The following C8orf34 variants were observed in gnomAD, a reference collection of about 807,000 sequenced individuals.
C8orf34 encodes the protein uncharacterized protein C8orf34.
Under a neutral mutation model 68.3 loss-of-function variants are expected in C8orf34, and 65 were observed. That is an observed-to-expected ratio of 0.95 (90% confidence interval 0.78 to 1.17). The LOEUF (loss-of-function observed/expected upper bound fraction) is 1.17. Among genes scored for constraint, C8orf34 ranks in the 50% most tolerant of loss-of-function variants. The pLI, the probability that C8orf34 is intolerant of heterozygous loss-of-function variation, is 0.00. For missense variants in C8orf34, 664 were observed against 655.4 expected, an observed-to-expected ratio of 1.01 and a Z score of -0.14; for synonymous variants, 244 against 241.2, an observed-to-expected ratio of 1.01 and a Z score of -0.11.
intron 8 of C8orf34, among the ~76,000 whole-genome samples, chr8:68,690,770 G>A (rs555093830): frequency 1.3e-5 from 2 of 152,138 alleles, no homozygotes; most frequent in South Asian, 2.1e-4. Context: ...AGGAAATGAA[G>A]ACTCAAAGAA....
chr8:68,608,550 G>A (rs1563558987), intron 7 of C8orf34, among the ~76,000 whole-genome samples: 2 of 151,508 alleles, frequency 1.3e-5, no homozygotes, highest in South Asian at 4.2e-4. Flanking sequence ...GAAATTGGAA[G>A]TAGCCACTCC....
intron 8 of C8orf34, among the ~76,000 whole-genome samples, chr8:68,673,051 A>C (rs952986089): frequency 3.9e-5 from 6 of 152,088 alleles, no homozygotes; most frequent in African/African-American, 1.4e-4. Flanking sequence ...CTTGAAGGTA[A>C]GTACTTACTT....
At chr8:68,503,388 A>G (rs1423551823) in intron 5 of C8orf34, among the ~76,000 whole-genome samples, 1 of 152,166 alleles carries the variant, frequency 6.6e-6, no homozygotes, top group African/African-American at 2.4e-5. Flanking sequence ...GCGATGTGCC[A>G]GGTGGGGTGG....
In C8orf34 at chr8:68,818,845, T is replaced by C. The variant is rs934987046; in HGVS notation, c.*599T>C. On this transcript the variant is annotated 3_prime_UTR_variant, in exon 14 of 14. Transcript: ENST00000518698. ...TGATATGTTAATTAAGTAAAGCAAA[T>C]CAATAAGGAATGAAATGCATGGCCC... 1 of 152,068 alleles carries C rather than the reference T, an allele frequency of 6.6e-6. No individual in the cohort carries two copies. Among genetic ancestry groups the C allele is most frequent in the Non-Finnish European group, 1.5e-5 (1 of 68,012 alleles). The allele number at this position is 152,068 out of a possible 1,614,324, so 9.4% of individuals were successfully genotyped here. A position where few individuals can be genotyped will look rare whatever the true frequency, so the allele number is the denominator to read the frequency against.
chr8:68,704,787 A>T (rs1821117482), intron 8 of C8orf34, among the ~76,000 whole-genome samples: 2 of 150,164 alleles, frequency 1.3e-5, no homozygotes, highest in African/African-American at 4.9e-5. Flanking sequence ...ATACTCCTAA[A>T]ATATTGAGAG....
At chr8:68,680,179 C>T (rs574265514) in intron 8 of C8orf34, among the ~76,000 whole-genome samples, 1 of 152,146 alleles carries the variant, frequency 6.6e-6, no homozygotes, top group East Asian at 1.9e-4. Context: ...ATCCACTTGA[C>T]AAGTGATTAA....
chr8:68,741,197 A>C (rs1822281094), intron 10 of C8orf34, among the ~76,000 whole-genome samples: 2 of 152,176 alleles, frequency 1.3e-5, no homozygotes, highest in African/African-American at 4.8e-5. Context: ...TTATATAACA[A>C]ACCTGCACAT....
chr8:68,563,821 GACATA>G (rs1294134830), intron 7 of C8orf34, among the ~76,000 whole-genome samples: 1 of 152,122 alleles, frequency 6.6e-6, no homozygotes, highest in African/African-American at 2.4e-5. Context: ...TCTATTGAGT[GACATA>G]ACAGAAGCAT....
intron 7 of C8orf34, among the ~76,000 whole-genome samples, chr8:68,562,307 A>G (rs1816456611): frequency 6.6e-6 from 1 of 152,160 alleles, no homozygotes; most frequent in African/African-American, 2.4e-5. Context: ...TGGTAGGGTG[A>G]GATCATGATT....
At chr8:68,389,283 C>A (rs2129620537) in intron 1 of C8orf34, among the ~76,000 whole-genome samples, 1 of 152,204 alleles carries the variant, frequency 6.6e-6, no homozygotes, top group South Asian at 2.1e-4. Flanking sequence ...GATCTATGTT[C>A]TTGGACAGGC....
intron 1 of C8orf34, among the ~76,000 whole-genome samples, chr8:68,435,057 A>C (rs1244911917): frequency 6.6e-6 from 1 of 151,386 alleles, no homozygotes; most frequent in Non-Finnish European, 1.5e-5. Context: ...CTCAAAAAAA[A>C]AAAAAAGAGA....
intron 7 of C8orf34, among the ~76,000 whole-genome samples, chr8:68,541,076 G>GA (rs1174190670): frequency 6.6e-6 from 1 of 152,098 alleles, no homozygotes; most frequent in Non-Finnish European, 1.5e-5. Context: ...TCCATTATCA[G>GA]AAAAATGGAA....
chr8:68,348,182 C>T (rs1456175492), intron 1 of C8orf34, among the ~76,000 whole-genome samples: 1 of 152,026 alleles, frequency 6.6e-6, no homozygotes, highest in Non-Finnish European at 1.5e-5. Context: ...CTGTATAGGG[C>T]TAGCCAGTTA....
intron 8 of C8orf34, among the ~76,000 whole-genome samples, chr8:68,681,019 A>T (rs1820353628): frequency 6.6e-6 from 1 of 152,120 alleles, no homozygotes; most frequent in Non-Finnish European, 1.5e-5. Flanking sequence ...TATCTTCCCT[A>T]CTTGCATGTC....
chr8:68,759,996 G>C (rs565414837), intron 10 of C8orf34, among the ~76,000 whole-genome samples: 1 of 152,184 alleles, frequency 6.6e-6, no homozygotes, highest in Non-Finnish European at 1.5e-5. Context: ...GTGAGAGTAC[G>C]GAAGTGCTGT....
chr8:68,641,132 T>C lies in C8orf34; in HGVS notation c.1241+621T>C, dbSNP rs149480630. Among the ~76,000 whole-genome samples the C allele has an allele frequency of 6.1e-3, 925 of 152,310 alleles. 17 individuals carry two copies. The highest frequency in any genetic ancestry group is 0.021 in the African/African-American group (889 of 41,562). On this transcript the variant is annotated intron_variant, in intron 8 of 13. Coordinates refer to ENST00000518698, the MANE Select transcript of C8orf34 (RefSeq NM_052958.4). The stretch of plus-strand genomic sequence containing the variant: ...ATTTGCAAAGAGGCTTTTAAGCCTG[T>C]TTAAATGATGAAACAAGCCTTCTAA...
At chr8:68,455,835 A>C (rs922806546) in intron 3 of C8orf34, among the ~76,000 whole-genome samples, 1 of 152,102 alleles carries the variant, frequency 6.6e-6, no homozygotes, top group East Asian at 1.9e-4. Flanking sequence ...GAATAAAACC[A>C]AAAAAATTTC....
chr8:68,764,735 G>A (rs577829249), intron 10 of C8orf34, among the ~76,000 whole-genome samples: 1 of 152,238 alleles, frequency 6.6e-6, no homozygotes, highest in Admixed American at 6.5e-5. Flanking sequence ...CTAGAGCACC[G>A]GGAGCTTCCT....
intron 1 of C8orf34, among the ~76,000 whole-genome samples, chr8:68,376,566 G>A (rs2129619992): frequency 6.6e-6 from 1 of 151,750 alleles, no homozygotes; most frequent in East Asian, 1.9e-4. Context: ...TTCCTCTTGG[G>A]CCTGCCTGCC....
Sources: allele counts gnomAD v4.1 joint callset (sites outside exome capture counted in the v4.1 genomes callset), GRCh38; gene constraint gnomAD v4.1.1; transcripts MANE v1.5; gene names NCBI Gene and HGNC (gene_info 2026-07-23, HGNC 2026-07-21).